The following JADE1 variants were observed in gnomAD, a reference collection of about 807,000 sequenced individuals.
JADE1 encodes jade family PHD finger 1, also known as protein Jade-1.
In JADE1, 14 loss-of-function variants were observed where a neutral mutation model predicts 81.8. That is an observed-to-expected ratio of 0.17 (90% CI 0.11 to 0.27). JADE1 has a LOEUF of 0.27. Among genes scored for constraint, JADE1 ranks in the 10% least tolerant of loss-of-function variants. The probability of loss-of-function intolerance (pLI) is 1.00; values close to 1 mark genes in which losing one functional copy is unlikely to be tolerated. For missense variants in JADE1, 690 were observed against 1,047.9 expected (o/e 0.66, Z 4.71); for synonymous variants, 353 against 391.9 (o/e 0.90, Z 1.17).
At chr4:128,826,911 T>C (rs1042292747) in intron 1 of JADE1, among the ~76,000 whole-genome samples, 3 of 152,226 alleles carry the variant, frequency 2.0e-5, no homozygotes, top group Admixed American at 6.5e-5. Context: ...CTTTGTATTA[T>C]TGTTGAATCC....
chr4:128,862,373 T>A (rs1731410263), intron 9 of JADE1, 148 bp downstream of exon 9: 1 of 1,451,598 alleles, frequency 6.9e-7, no homozygotes, highest in Non-Finnish European at 9.1e-7. Flanking sequence ...TTAAAAATAT[T>A]TATGGGCTGG....
At chr4:128,830,830 G>T (rs927258718) in intron 1 of JADE1, among the ~76,000 whole-genome samples, 1 of 152,162 alleles carries the variant, frequency 6.6e-6, no homozygotes, top group African/African-American at 2.4e-5. Flanking sequence ...TGGCCATTCC[G>T]TCTCAGTTCA....
At chr4:128,851,075 C>T (rs937858410) in intron 5 of JADE1, among the ~76,000 whole-genome samples, 1 of 152,178 alleles carries the variant, frequency 6.6e-6, no homozygotes, top group African/African-American at 2.4e-5. Flanking sequence ...GGATTATTGG[C>T]ACCTGCCACC....
intron 2 of JADE1, among the ~76,000 whole-genome samples, chr4:128,835,577 C>CT (rs1728914515): frequency 1.3e-5 from 2 of 152,216 alleles, no homozygotes; most frequent in Admixed American, 6.5e-5. Flanking sequence ...TGCCCATACT[C>CT]TGCCTTCCTT....
At chr4:128,823,159 A>G (rs1420359210) in intron 1 of JADE1, among the ~76,000 whole-genome samples, 2 of 152,224 alleles carry the variant, frequency 1.3e-5, no homozygotes, top group Non-Finnish European at 1.5e-5. Context: ...AATGATTGGA[A>G]TGTTTTGTCA....
At chr4:128,851,033 C>T (rs35210815) in intron 5 of JADE1, among the ~76,000 whole-genome samples, 4,152 of 152,148 alleles carry the variant, frequency 0.027, 83 homozygotes, top group South Asian at 0.055. Flanking sequence ...TGAGTTCAAG[C>T]GATTCTCCTG....
chr4:128,825,198 C>A (rs906829391), intron 1 of JADE1, among the ~76,000 whole-genome samples: 2 of 152,106 alleles, frequency 1.3e-5, no homozygotes, highest in Admixed American at 6.6e-5. Flanking sequence ...CACCACCAAA[C>A]CTGGTTAACT....
At chr4:128,862,909 TGTGTGC>T (rs1731469970) in intron 9 of JADE1, 1 of 987,320 alleles carries the variant, frequency 1.0e-6, no homozygotes, top group Admixed American at 6.0e-5. Context: ...TGTGTGTGTG[TGTGTGC>T]GCGTGCCCGT....
At chr4:128,870,090 GAT>G (rs1230455287) in intron 10 of JADE1, among the ~76,000 whole-genome samples, 1 of 152,172 alleles carries the variant, frequency 6.6e-6, no homozygotes, top group Non-Finnish European at 1.5e-5. Flanking sequence ...CAGTCAAGGA[GAT>G]AGAAATCAGA....
chr4:128,819,287 T>G (rs7688566), intron 1 of JADE1, among the ~76,000 whole-genome samples: 122,710 of 151,504 alleles, frequency 0.81, 49,966 homozygotes, highest in South Asian at 0.93. Flanking sequence ...GTTTTTTTTT[T>G]GGGGGGCAGG....
intron 9 of JADE1, 145 bp downstream of exon 9, chr4:128,862,370 T>C: frequency 6.9e-7 from 1 of 1,452,646 alleles, no homozygotes; most frequent in South Asian, 1.5e-5. Flanking sequence ...TGGTTAAAAA[T>C]ATTTATGGGC....
intron 2 of JADE1, 63 bp from the exon 3 acceptor site, chr4:128,842,890 C>A (rs1000457664): frequency 1.4e-6 from 2 of 1,462,660 alleles, no homozygotes; most frequent in African/African-American, 1.4e-5. Context: ...AAGAAAACCC[C>A]TGAGAACACT....
chr4:128,818,425 T>G (rs1727248717), intron 1 of JADE1, among the ~76,000 whole-genome samples: 1 of 152,148 alleles, frequency 6.6e-6, no homozygotes, highest in Non-Finnish European at 1.5e-5. Flanking sequence ...CCGGCCATAG[T>G]TAGGGACTTC....
At chr4:128,834,128 G>A (rs1728778430) in intron 2 of JADE1, among the ~76,000 whole-genome samples, 1 of 152,176 alleles carries the variant, frequency 6.6e-6, no homozygotes, top group Non-Finnish European at 1.5e-5. Flanking sequence ...TCTTAGTAGC[G>A]CAGAAGGCCT....
At chr4:128,815,923 AT>A (rs1261791992) in intron 1 of JADE1, among the ~76,000 whole-genome samples, 1 of 152,132 alleles carries the variant, frequency 6.6e-6, no homozygotes, top group East Asian at 1.9e-4. Flanking sequence ...GTTTAGCTTG[AT>A]TGTTAAAACG....
At chr4:128,834,700 CT>C (rs1233010538) in intron 2 of JADE1, among the ~76,000 whole-genome samples, 1 of 151,698 alleles carries the variant, frequency 6.6e-6, no homozygotes, top group Non-Finnish European at 1.5e-5. Flanking sequence ...CACCCGGCTA[CT>C]TTTTTGTATT....
intron 10 of JADE1, among the ~76,000 whole-genome samples, chr4:128,870,592 G>A (rs976776420): frequency 1.3e-5 from 2 of 152,128 alleles, no homozygotes; most frequent in African/African-American, 4.8e-5. Flanking sequence ...AATAGGAAAT[G>A]TCAGAGTACA....
At chr4:128,825,278 G>A (rs1358471854) in intron 1 of JADE1, among the ~76,000 whole-genome samples, 4 of 152,180 alleles carry the variant, frequency 2.6e-5, no homozygotes, top group African/African-American at 4.8e-5. Flanking sequence ...GGCCTCAAGT[G>A]ATATGCCTGC....
At chr4:128,850,873 A>G (rs995843883) in intron 5 of JADE1, among the ~76,000 whole-genome samples, 5 of 152,232 alleles carry the variant, frequency 3.3e-5, no homozygotes, top group Admixed American at 2.6e-4. Flanking sequence ...TAATTTTGTA[A>G]TTTTATAACA....
Sources: allele counts gnomAD v4.1 joint callset (sites outside exome capture counted in the v4.1 genomes callset), GRCh38; gene constraint gnomAD v4.1.1; transcripts MANE v1.5; gene names NCBI Gene and HGNC (gene_info 2026-07-23, HGNC 2026-07-21).